Variants in CDH11 observed in about 807,000 individuals in gnomAD.
CDH11 encodes cadherin-11.
CDH11 carries 11 observed loss-of-function variants against 67.8 expected under a neutral mutation model. The ratio of observed to expected loss-of-function variants is 0.16; its 90% CI spans 0.10 to 0.27. The LOEUF is 0.27. Ranked by LOEUF, CDH11 falls within the 10% of genes least tolerant of loss-of-function variation. CDH11 has a pLI of 1.00. For missense variants in CDH11, 847 were observed against 1,031.2 expected (o/e 0.82, Z 2.45); for synonymous variants, 419 against 400.0 (o/e 1.05, Z -0.57).
intron 1 of CDH11, among the ~76,000 whole-genome samples, chr16:65,087,258 A>C (rs1483526352): frequency 6.6e-6 from 1 of 152,196 alleles, no homozygotes; most frequent in African/African-American, 2.4e-5. Flanking sequence ...CAGGGAATTT[A>C]GTCTAATTCT....
intron 1 of CDH11, among the ~76,000 whole-genome samples, chr16:65,087,822 C>T (rs1414017408): frequency 3.3e-5 from 5 of 152,170 alleles, no homozygotes. Flanking sequence ...ACATTTAATA[C>T]AACATGGCCG....
intron 1 of CDH11, among the ~76,000 whole-genome samples, chr16:65,070,204 C>G (rs568017552): frequency 2.6e-5 from 4 of 152,258 alleles, no homozygotes; most frequent in African/African-American, 9.6e-5. Context: ...TTTTATGGGG[C>G]AACAAATTCA....
intron 6 of CDH11, chr16:64,991,349 T>C (rs35197): frequency 0.42 from 66,481 of 158,462 alleles, 15,156 homozygotes; most frequent in East Asian, 0.63. Context: ...CAAATTATTG[T>C]TATTATTTTT....
intron 2 of CDH11, among the ~76,000 whole-genome samples, chr16:65,017,699 A>G (rs2073338900): frequency 6.6e-6 from 1 of 152,164 alleles, no homozygotes; most frequent in Admixed American, 6.6e-5. Context: ...AGTTGATTCC[A>G]ATATGTGCCC....
At chr16:65,110,099 G>A (rs902793330) in intron 1 of CDH11, among the ~76,000 whole-genome samples, 4 of 152,012 alleles carry the variant, frequency 2.6e-5, no homozygotes, top group Admixed American at 6.6e-5. Context: ...TCAAACTCCC[G>A]GGCTCAAGCA....
intron 1 of CDH11, among the ~76,000 whole-genome samples, chr16:65,096,972 C>G (rs1032890349): frequency 1.3e-5 from 2 of 151,712 alleles, no homozygotes; most frequent in Non-Finnish European, 2.9e-5. Flanking sequence ...TTTTTTTTGA[C>G]AAGTTCTTGG....
In CDH11 at chr16:65,121,464, G is replaced by C. The variant is rs921942245; in HGVS notation, c.-298+416C>G. 6.6e-6 allele frequency among the ~76,000 whole-genome samples: 1 copy of C among 152,210 alleles called. No individual in the cohort carries two copies. The highest frequency in any genetic ancestry group is 1.5e-5 in the Non-Finnish European group (1 of 68,034). On this transcript the variant is annotated intron_variant, in intron 1 of 12. Coordinates refer to ENST00000268603, the MANE Select transcript of CDH11 (RefSeq NM_001797.4). This position sits in a 1 kb window ranked among gnomAD's most constrained non-coding sequence, Gnocchi z 4.1. ...GTCGCCGCTTTGGGGAAGCGGCGCAGGGCTGGCGGGCACCGCGCCGTGGGC... is the reference window on the plus strand; with the variant it reads ...GTCGCCGCTTTGGGGAAGCGGCGCACGGCTGGCGGGCACCGCGCCGTGGGC...
At chr16:65,006,993 G>C (rs901032830) in intron 2 of CDH11, 1 of 152,222 alleles carries the variant, frequency 6.6e-6, no homozygotes, top group African/African-American at 2.4e-5. Flanking sequence ...GGAACTCTAA[G>C]GGTACCCATG....
intron 1 of CDH11, among the ~76,000 whole-genome samples, chr16:65,056,540 G>A (rs2074146894): frequency 1.3e-5 from 2 of 152,168 alleles, no homozygotes; most frequent in Admixed American, 6.5e-5. Context: ...GTTATAAACA[G>A]GGGTGGAAAA....
At chr16:65,122,122 A>G (rs1285134720), upstream of CDH11, 215 of 61,114 alleles carry the variant, frequency 3.5e-3, no homozygotes, top group South Asian at 5.6e-3. Context: ...GCGGGCGGGC[A>G]GGCGGGTGCG....
In CDH11 at chr16:65,004,891, A is replaced by C; in HGVS notation, c.-22T>G. 1 of 1,490,478 alleles carries C rather than the reference A, an allele frequency of 6.7e-7. No homozygotes were observed. Among genetic ancestry groups the C allele is most frequent in the Non-Finnish European group, 9.0e-7 (1 of 1,113,954 alleles). 92.3% of individuals were successfully genotyped at this position (1,490,478 alleles called of 1,614,324 possible). On this transcript the variant is annotated 5_prime_UTR_variant, in exon 3 of 13. Coordinates refer to ENST00000268603, the MANE Select transcript of CDH11 (RefSeq NM_001797.4). ...TCATTTTTGGTTACGTGGTAGGCAC[A>C]GGAGAATGCAGCTGTCACCCCTTCC...
intron 1 of CDH11, among the ~76,000 whole-genome samples, chr16:65,115,722 C>CAAAAAAAAAAAAAAAAAAA (rs959719329): frequency 1.1e-5 from 1 of 87,288 alleles, no homozygotes; most frequent in Non-Finnish European, 2.7e-5. Context: ...AAAAAAAAAA[C>CAAAAAAAAAAAAAAAAAAA]AAAAAAACAA....
At chr16:65,100,753 A>AG (rs1198538164) in intron 1 of CDH11, among the ~76,000 whole-genome samples, 1 of 150,200 alleles carries the variant, frequency 6.7e-6, no homozygotes, top group Admixed American at 6.6e-5. Flanking sequence ...AAAAAAAAAA[A>AG]GAAAGAAAGA....
At chr16:65,009,980 G>A (rs544836166) in intron 2 of CDH11, among the ~76,000 whole-genome samples, 2 of 152,286 alleles carry the variant, frequency 1.3e-5, no homozygotes, top group Non-Finnish European at 1.5e-5. Flanking sequence ...ACATATACGG[G>A]TGTTTAAGTA....
chr16:65,121,953 C>T lies in CDH11; in HGVS notation c.-371G>A, dbSNP rs1239078454. ...GCAGGGCAAGCGCTGCGGTGTCAGT[C>T]CCGGCCCCAGTCCCGGTCCCATTCA... On this transcript the variant is annotated 5_prime_UTR_variant, in exon 1 of 13. Coordinates refer to ENST00000268603, the MANE Select transcript of CDH11 (RefSeq NM_001797.4). This position sits in a 1 kb window ranked among gnomAD's most constrained non-coding sequence, Gnocchi z 4.1. The T allele has an allele frequency of 5.7e-6, 4 of 701,730 alleles. No homozygotes were observed. In the African/African-American group the frequency reaches 7.0e-5, roughly 12 times the overall value. 43.5% of individuals were successfully genotyped at this position (701,730 alleles called of 1,614,324 possible). A position where few individuals can be genotyped will look rare whatever the true frequency, so the allele number is the denominator to read the frequency against.
Position 64,948,014 on chromosome 16 carries a change from G to C in CDH11, c.1980C>G (p.Ile660Met). ...CACCCCCTTCATCATCATAAGTAAT[G>C]ATGTTCTCACGGACATCTTCTTCCT... ...VFEEEDVREN[I>M]ITYDDEGGGE... Residue 660 changes from isoleucine (I) to methionine (M), a missense_variant, in exon 13 of 13, where the codon ATC (isoleucine) becomes ATG (methionine). Transcript: ENST00000268603. The C allele has an allele frequency of 6.2e-7, 1 of 1,614,078 alleles. No homozygotes were observed. The highest frequency in any genetic ancestry group is 8.5e-7 in the Non-Finnish European group (1 of 1,180,020).
chr16:64,982,013 C>T (rs1016441889), intron 8 of CDH11, 35 bp downstream of exon 8: 1 of 1,552,034 alleles, frequency 6.4e-7, no homozygotes, highest in East Asian at 2.3e-5. Context: ...CTCTAAAATT[C>T]CCCATCCAAG....
At chr16:65,047,196 T>A (rs1015730146) in intron 2 of CDH11, among the ~76,000 whole-genome samples, 1 of 152,184 alleles carries the variant, frequency 6.6e-6, no homozygotes, top group African/African-American at 2.4e-5. Context: ...GCTATATGGA[T>A]GTGTGTGTTT....
intron 3 of CDH11, among the ~76,000 whole-genome samples, chr16:65,003,908 T>G (rs1226096283): frequency 6.6e-6 from 1 of 152,170 alleles, no homozygotes; most frequent in African/African-American, 2.4e-5. Context: ...GTAGACAGAT[T>G]AATAAGTAGA....
Sources: allele counts gnomAD v4.1 joint callset (sites outside exome capture counted in the v4.1 genomes callset), GRCh38; gene constraint gnomAD v4.1.1; non-coding constraint Gnocchi (gnomAD v3.1); transcripts MANE v1.5; gene names NCBI Gene and HGNC (gene_info 2026-07-23, HGNC 2026-07-21).